Variants in LTN1 observed in about 807,000 individuals in gnomAD.
The protein encoded by LTN1 is listerin E3 ubiquitin protein ligase 1.
In LTN1, 88 loss-of-function variants were observed where a neutral mutation model predicts 201.2. The observed-to-expected ratio is 0.44, with a 90% CI of 0.37 to 0.52. The LOEUF (loss-of-function observed/expected upper bound fraction) is 0.52. Among genes scored for constraint, LTN1 ranks in the 20% least tolerant of loss-of-function variants. The probability of loss-of-function intolerance (pLI) is 0.00; values close to 1 mark genes in which losing one functional copy is unlikely to be tolerated. For missense variants in LTN1, 1,752 were observed against 2,038.7 expected (o/e 0.86, Z 2.71); for synonymous variants, 645 against 713.5 (o/e 0.90, Z 1.53).
chr21:28,935,219 G>A lies in LTN1; in HGVS notation c.4765C>T (p.Arg1589Cys), dbSNP rs1555840430. 8 of 1,612,258 alleles carry A rather than the reference G, an allele frequency of 5.0e-6. No individual in the cohort carries two copies. Among genetic ancestry groups the A allele is most frequent in the East Asian group, 2.2e-5 (1 of 44,878 alleles). Residue 1589 changes from arginine to cysteine, a missense_variant, in exon 27 of 30, where the codon CGT becomes TGT. Coordinates refer to ENST00000361371, the MANE Select transcript of LTN1 (RefSeq NM_015565.3). Reference protein sequence around the residue: ...VRLWWNSSEKRVFNIVDRFTS... With the variant: ...VRLWWNSSEKCVFNIVDRFTS... ...AATCTATCCACAATATTGAAAACAC[G>A]CTTCTCACTGCTATTCCACCACAAC...
chr21:28,991,720 A>G (rs1388944722), intron 1 of LTN1, among the ~76,000 whole-genome samples: 1 of 152,254 alleles, frequency 6.6e-6, no homozygotes, highest in African/African-American at 2.4e-5. Context: ...ACAGTAACAC[A>G]ACAGGTTGCT....
chr21:28,963,493 A>G (rs1023790964), intron 11 of LTN1, among the ~76,000 whole-genome samples: 1 of 152,202 alleles, frequency 6.6e-6, no homozygotes, highest in Non-Finnish European at 1.5e-5. Context: ...AAACGAAGGA[A>G]AAAAAGAAAA....
intron 1 of LTN1, among the ~76,000 whole-genome samples, chr21:28,991,600 G>A (rs1292112168): frequency 6.6e-6 from 1 of 152,192 alleles, no homozygotes; most frequent in East Asian, 1.9e-4. Flanking sequence ...TATATGGGAT[G>A]TCGTTCTAAT....
chr21:28,942,314 T>C (rs1163891617), intron 24 of LTN1, among the ~76,000 whole-genome samples: 1 of 152,210 alleles, frequency 6.6e-6, no homozygotes, highest in Non-Finnish European at 1.5e-5. Flanking sequence ...ATTTAACTTC[T>C]GCAATCAGCT....
chr21:28,980,041 TGA>T (rs2084646316), intron 6 of LTN1, among the ~76,000 whole-genome samples: 1 of 152,140 alleles, frequency 6.6e-6, no homozygotes. Flanking sequence ...GCAAAAAATC[TGA>T]GTCACCCACG....
At chr21:28,956,355 T>C (rs1464062663) in intron 16 of LTN1, among the ~76,000 whole-genome samples, 2 of 152,234 alleles carry the variant, frequency 1.3e-5, no homozygotes, top group South Asian at 2.1e-4. Context: ...TCTATGTATA[T>C]ATCAAAATAT....
intron 26 of LTN1, 42 bp downstream of exon 26, chr21:28,936,484 A>G: frequency 6.6e-7 from 1 of 1,506,618 alleles, no homozygotes; most frequent in Non-Finnish European, 9.0e-7. Context: ...CCTAGTCTGA[A>G]TCTAGTGTCC....
At chr21:28,982,531 A>G (rs1271179179) in intron 4 of LTN1, among the ~76,000 whole-genome samples, 163 bp from the exon 5 acceptor site, 16 of 152,140 alleles carry the variant, frequency 1.1e-4, no homozygotes, top group Non-Finnish European at 2.4e-4. Context: ...AATTTTACCA[A>G]TTTTCCTTTT....
intron 6 of LTN1, among the ~76,000 whole-genome samples, chr21:28,980,073 T>C (rs190628373): frequency 2.0e-5 from 3 of 152,158 alleles, no homozygotes; most frequent in East Asian, 3.9e-4. Context: ...CCAGCTGAGG[T>C]TGAACAAGGC....
At chr21:28,931,604 A>G (rs976429975) in intron 28 of LTN1, among the ~76,000 whole-genome samples, 5 of 152,238 alleles carry the variant, frequency 3.3e-5, no homozygotes, top group African/African-American at 1.2e-4. Flanking sequence ...CTCTCTTAAT[A>G]ATTAAATCAT....
intron 11 of LTN1, among the ~76,000 whole-genome samples, chr21:28,961,873 T>C (rs568931625): frequency 6.6e-6 from 1 of 152,156 alleles, no homozygotes; most frequent in African/African-American, 2.4e-5. Flanking sequence ...TAGCTGGGCA[T>C]AGTGGCAGGT....
At chr21:28,942,430 G>T (rs1415705574) in intron 24 of LTN1, among the ~76,000 whole-genome samples, 2 of 152,018 alleles carry the variant, frequency 1.3e-5, no homozygotes, top group Non-Finnish European at 2.9e-5. Context: ...CCCCAAAAAA[G>T]TCATTTTTAA....
At chr21:28,976,752 G>A (rs1376396197) in intron 6 of LTN1, among the ~76,000 whole-genome samples, 1 of 152,066 alleles carries the variant, frequency 6.6e-6, no homozygotes, top group African/African-American at 2.4e-5. Context: ...TTCAACAAAT[G>A]TACTGGAATT....
chr21:28,990,460 C>T (rs759352909), intron 1 of LTN1, among the ~76,000 whole-genome samples: 1 of 152,140 alleles, frequency 6.6e-6, no homozygotes, highest in Admixed American at 6.6e-5. Flanking sequence ...TTTTAAATCA[C>T]CATAGTAATA....
chr21:28,946,373 G>C, intron 19 of LTN1, 86 bp from the exon 20 acceptor site: 1 of 845,286 alleles, frequency 1.2e-6, no homozygotes, highest in Non-Finnish European at 1.7e-6. Context: ...AGAAGTAAAA[G>C]ACTTTCTTGA....
At chr21:28,934,732 C>G (rs1245478267) in intron 27 of LTN1, among the ~76,000 whole-genome samples, 2 of 152,040 alleles carry the variant, frequency 1.3e-5, no homozygotes, top group Admixed American at 6.6e-5. Flanking sequence ...GCTGGGATTA[C>G]AGGCATGAGC....
At chr21:28,939,809 T>C (rs560583952) in intron 25 of LTN1, among the ~76,000 whole-genome samples, 1 of 152,316 alleles carries the variant, frequency 6.6e-6, no homozygotes, top group East Asian at 1.9e-4. Context: ...GAAATTGATG[T>C]AAAAGCCAAA....
At chr21:28,974,225 T>C (rs1037062430) in intron 6 of LTN1, among the ~76,000 whole-genome samples, 2 of 152,114 alleles carry the variant, frequency 1.3e-5, no homozygotes, top group African/African-American at 2.4e-5. Flanking sequence ...AAAACACTAA[T>C]GAAATTAAAA....
intron 1 of LTN1, among the ~76,000 whole-genome samples, chr21:28,992,311 C>A (rs191492691): frequency 2.0e-5 from 3 of 152,110 alleles, no homozygotes; most frequent in Non-Finnish European, 4.4e-5. Flanking sequence ...GTCCAGAAAC[C>A]AAATATACCA....
Sources: gnomAD v4.1 joint callset for allele counts (sites outside exome capture counted in the v4.1 genomes callset) on GRCh38, gnomAD v4.1.1 for gene constraint, MANE v1.5 for transcripts, NCBI Gene and HGNC (gene_info 2026-07-23, HGNC 2026-07-21) for gene names.